The following HEMK2 variants were observed in gnomAD, a reference collection of about 807,000 sequenced individuals.
HEMK2 encodes HemK methyltransferase 2, ETF1 glutamine and histone H4 lysine, also known as methyltransferase HEMK2.
chr21:28,583,078 G>A, the HEMK2 span, among the ~76,000 whole-genome samples: 1 of 152,114 alleles, frequency 6.6e-6, no homozygotes, highest in Admixed American at 6.5e-5. Context: ...TGAGTCAAAA[G>A]CTATTTCTGA....
At chr21:28,736,916 G>A in the HEMK2 span, among the ~76,000 whole-genome samples, 1 of 152,148 alleles carries the variant, frequency 6.6e-6, no homozygotes, top group Non-Finnish European at 1.5e-5. Flanking sequence ...GAGATTCACA[G>A]GGGTTTAAAC....
At chr21:28,748,654 G>A in the HEMK2 span, among the ~76,000 whole-genome samples, 3 of 152,206 alleles carry the variant, frequency 2.0e-5, no homozygotes, top group Non-Finnish European at 4.4e-5. Context: ...ACAGGAAACA[G>A]AGACATGGAA....
chr21:28,739,314 T>C, the HEMK2 span, among the ~76,000 whole-genome samples: 1 of 152,190 alleles, frequency 6.6e-6, no homozygotes, highest in African/African-American at 2.4e-5. Context: ...CATTCAGTTA[T>C]TATAGTAAGG....
chr21:28,600,226 G>A, the HEMK2 span, among the ~76,000 whole-genome samples: 4 of 152,346 alleles, frequency 2.6e-5, no homozygotes, highest in Admixed American at 1.3e-4. Context: ...TGAGGGCTCC[G>A]CCCCTGCAGC....
At chr21:28,885,142 G>A in the HEMK2 span, 6 of 1,456,088 alleles carry the variant, frequency 4.1e-6, no homozygotes, top group Non-Finnish European at 4.6e-6. Context: ...TCACCGTTCC[G>A]GCCCTCCTCC....
chr21:28,846,925 T>C, the HEMK2 span, among the ~76,000 whole-genome samples: 4 of 152,158 alleles, frequency 2.6e-5, no homozygotes, highest in South Asian at 8.3e-4. Context: ...CTTAGAATAA[T>C]GGCCTCCAAC....
At chr21:28,818,817 G>C in the HEMK2 span, among the ~76,000 whole-genome samples, 2 of 152,138 alleles carry the variant, frequency 1.3e-5, no homozygotes, top group Admixed American at 1.3e-4. Context: ...GGTTTTCATG[G>C]CCTCCCCAAA....
At chr21:28,770,382 T>C in the HEMK2 span, among the ~76,000 whole-genome samples, 1 of 152,142 alleles carries the variant, frequency 6.6e-6, no homozygotes, top group East Asian at 1.9e-4. Flanking sequence ...TTCCTTACCA[T>C]TCAATTCAAC....
chr21:28,684,939 G>A, the HEMK2 span, among the ~76,000 whole-genome samples: 1 of 152,234 alleles, frequency 6.6e-6, no homozygotes, highest in East Asian at 1.9e-4. Context: ...AAGAGGTAAA[G>A]ACAGATTTTC....
the HEMK2 span, among the ~76,000 whole-genome samples, chr21:28,842,706 T>C: frequency 6.6e-6 from 1 of 152,150 alleles, no homozygotes; most frequent in Non-Finnish European, 1.5e-5. Flanking sequence ...CTAGTGCTAG[T>C]AGTCGCATTT....
chr21:28,817,606 C>T, the HEMK2 span, among the ~76,000 whole-genome samples: 2 of 152,172 alleles, frequency 1.3e-5, no homozygotes, highest in East Asian at 1.9e-4. Context: ...GAAATATATA[C>T]ACTTTGAAAG....
the HEMK2 span, among the ~76,000 whole-genome samples, chr21:28,856,331 T>A: frequency 7.2e-5 from 11 of 152,130 alleles, no homozygotes; most frequent in Admixed American, 7.2e-4. Context: ...AGGAGAATTG[T>A]TTCAACCTGG....
At chr21:28,724,751 T>C in the HEMK2 span, among the ~76,000 whole-genome samples, 2 of 152,066 alleles carry the variant, frequency 1.3e-5, no homozygotes, top group Non-Finnish European at 2.9e-5. Flanking sequence ...GATCAGCTTC[T>C]TCACTACATG....
At chr21:28,684,552 T>C in the HEMK2 span, among the ~76,000 whole-genome samples, 2 of 152,232 alleles carry the variant, frequency 1.3e-5, no homozygotes, top group African/African-American at 4.8e-5. Context: ...GATGCAACCA[T>C]CCTGTGACTG....
chr21:28,586,115 G>C, the HEMK2 span, among the ~76,000 whole-genome samples: 1 of 152,188 alleles, frequency 6.6e-6, no homozygotes, highest in East Asian at 1.9e-4. Flanking sequence ...TAGAGAAATG[G>C]TGCATTTGCA....
the HEMK2 span, among the ~76,000 whole-genome samples, chr21:28,583,402 G>A: frequency 6.6e-6 from 1 of 152,080 alleles, no homozygotes. Flanking sequence ...CAAGAATTCT[G>A]TCCTCTCTTT....
At chr21:28,751,086 C>T in the HEMK2 span, among the ~76,000 whole-genome samples, 4 of 151,830 alleles carry the variant, frequency 2.6e-5, no homozygotes, top group Non-Finnish European at 1.5e-5. Context: ...AAAAAATTAG[C>T]CGGGCGTGGT....
the HEMK2 span, among the ~76,000 whole-genome samples, chr21:28,625,310 T>C: frequency 2.0e-5 from 3 of 152,226 alleles, no homozygotes; most frequent in African/African-American, 7.2e-5. Flanking sequence ...ATGGAACTTA[T>C]ATTAAAATAA....
the HEMK2 span, among the ~76,000 whole-genome samples, chr21:28,656,518 G>A: frequency 2.6e-5 from 4 of 151,966 alleles, no homozygotes; most frequent in African/African-American, 7.2e-5. Flanking sequence ...CTTGGTGGTG[G>A]TGCCACATTG....
Sources: gnomAD v4.1 joint callset for allele counts (sites outside exome capture counted in the v4.1 genomes callset) on GRCh38, gnomAD v4.1.1 for gene constraint, MANE v1.5 for transcripts, NCBI Gene and HGNC (gene_info 2026-07-23, HGNC 2026-07-21) for gene names.